Variants in POM121 observed in about 807,000 individuals in gnomAD.
The protein encoded by POM121 is POM121 transmembrane nucleoporin.
POM121 carries 32 observed loss-of-function variants against 81.3 expected under a neutral mutation model. The ratio of observed to expected loss-of-function variants is 0.39; its 90% CI spans 0.30 to 0.53. The LOEUF is 0.53. Among genes scored for constraint, POM121 ranks in the 20% least tolerant of loss-of-function variants. The pLI is 0.66. For missense variants in POM121, 1,138 were observed against 1,614.6 expected, an observed-to-expected ratio of 0.70 and a Z score of 5.06; for synonymous variants, 514 against 694.2, an observed-to-expected ratio of 0.74 and a Z score of 4.08.
At chr7:72,899,992 C>T (rs1463669790) in intron 3 of POM121, among the ~76,000 whole-genome samples, 1 of 152,172 alleles carries the variant, frequency 6.6e-6, no homozygotes, top group African/African-American at 2.4e-5. Flanking sequence ...CCTGGCCAAG[C>T]AAGAGAACCA....
rs782314614 is a variant in POM121 at position 72,948,085 on chromosome 7, C to T, written c.*1851C>T. On this transcript the variant is annotated 3_prime_UTR_variant, in exon 13 of 13. Transcript: ENST00000434423. The stretch of plus-strand genomic sequence containing the variant: ...TAGTGTCAGTACCTGAGCTAGTTTA[C>T]CTCAGTTCCGCAGGCAGGACAGCCG... The T allele has an allele frequency of 5.2e-4, 696 of 1,342,958 alleles. 2 individuals carry two copies. The highest frequency in any genetic ancestry group is 3.4e-3 in the Middle Eastern group (12 of 3,516). The allele number at this position is 1,342,958 out of a possible 1,614,324, so 83.2% of individuals were successfully genotyped here. A position where few individuals can be genotyped will look rare whatever the true frequency, so the allele number is the denominator to read the frequency against.
chr7:72,925,355 C>G lies in POM121; in HGVS notation c.234C>G (p.Pro78=). 2.0e-6 allele frequency: 3 copies of G among 1,523,148 alleles called. No homozygotes were observed. In the South Asian group the frequency reaches 3.6e-5, roughly 18 times the overall value. 94.4% of individuals were successfully genotyped at this position (1,523,148 alleles called of 1,614,324 possible). A position where few individuals can be genotyped will look rare whatever the true frequency, so the allele number is the denominator to read the frequency against. ...GLSREPRGSR[P]LSSFVRKARH... ...GCCGCGAGCCCCGAGGTTCGCGCCC[C>G]TTGTCCTCCTTCGTTCGGAAGGCGC... The change falls in exon 1 of 13, where the codon CCC becomes CCG. Residue 78 remains proline, a synonymous_variant. Transcript: ENST00000434423.
Position 72,925,256 on chromosome 7 carries a change from A to C in POM121, c.135A>C (p.Leu45Phe), listed in dbSNP as rs1334397780. 16 of 1,534,240 alleles carry C rather than the reference A, an allele frequency of 1.0e-5. No homozygotes were observed. Among genetic ancestry groups the C allele is most frequent in the East Asian group, 7.3e-5 (3 of 40,846 alleles). Residue 45 changes from leucine (L) to phenylalanine (F), a missense_variant, in exon 1 of 13, where the codon TTA becomes TTC. Leu to Phe is a conservative substitution (Grantham distance 22, BLOSUM62 0). Coordinates refer to ENST00000434423, the MANE Select transcript of POM121 (RefSeq NM_001387691.1). The stretch of plus-strand genomic sequence containing the variant: ...TGGGCCTGTCGCTGGTTGGCCTCTT[A>C]CTGTACCTCGTGCCGGCTGCGGCTG... ...VLLGLSLVGL[L>F]LYLVPAAAAL...
At chr7:72,931,589 T>C (rs1796025365) in intron 5 of POM121, among the ~76,000 whole-genome samples, 1 of 151,548 alleles carries the variant, frequency 6.6e-6, no homozygotes, top group East Asian at 1.9e-4. Flanking sequence ...TTTTTTTTTT[T>C]GCCGGAGTCT....
rs868929026 is a variant in POM121 at position 72,943,901 on chromosome 7, G to A, written c.3529+379G>A. Among the ~76,000 whole-genome samples the A allele has an allele frequency of 6.4e-3, 976 of 151,892 alleles. 8 individuals are homozygous for A. The highest frequency in any genetic ancestry group is 0.02 in the African/African-American group (834 of 41,232). On this transcript the variant is annotated intron_variant, in intron 11 of 12. Transcript: ENST00000434423. ...AAAAATACCAAAAAATTAGCCGGGC[G>A]TGGTGGTACCCACCTGTAATCCCAG...
intron 4 of POM121, among the ~76,000 whole-genome samples, chr7:72,914,304 A>G (rs879979147): frequency 1.3e-5 from 2 of 152,288 alleles, no homozygotes; most frequent in South Asian, 4.1e-4. Flanking sequence ...ATCACACTTA[A>G]GACTCCATGT....
At chr7:72,897,484 A>G (rs1274184419) in intron 3 of POM121, among the ~76,000 whole-genome samples, 1 of 152,254 alleles carries the variant, frequency 6.6e-6, no homozygotes, top group Non-Finnish European at 1.5e-5. Flanking sequence ...GGTGAGGATC[A>G]TAAGGATTGT....
downstream of POM121, chr7:72,949,180 T>G: frequency 5.6e-6 from 7 of 1,253,410 alleles, no homozygotes; most frequent in Middle Eastern, 1.9e-4. Flanking sequence ...AAATCCTCGC[T>G]TCACAGAGGA....
At chr7:72,948,788 G>C (rs151304264), downstream of POM121, 4 of 1,575,278 alleles carry the variant, frequency 2.5e-6, no homozygotes, top group Non-Finnish European at 3.5e-6. Flanking sequence ...GTGGGGCCGG[G>C]CAGGCAGGGC....
intron 3 of POM121, among the ~76,000 whole-genome samples, chr7:72,893,054 G>A (rs1791466043): frequency 6.6e-6 from 1 of 151,914 alleles, no homozygotes; most frequent in African/African-American, 2.4e-5. Context: ...TGCCTCCCAG[G>A]TTCAAGTGAT....
At chr7:72,908,779 T>C (rs1793527168) in intron 3 of POM121, among the ~76,000 whole-genome samples, 1 of 152,230 alleles carries the variant, frequency 6.6e-6, no homozygotes, top group Non-Finnish European at 1.5e-5. Context: ...AAGAGAAATA[T>C]GGCTCTGTTC....
chr7:72,884,629 A>C (rs1478417796), intron 1 of POM121, among the ~76,000 whole-genome samples: 21 of 149,992 alleles, frequency 1.4e-4, no homozygotes, highest in Non-Finnish European at 1.5e-4. Flanking sequence ...AAATCATTTC[A>C]GATTTTCAGA....
Position 72,948,294 on chromosome 7 carries a change from A to G in POM121, c.*2060A>G, listed in dbSNP as rs1319435767. 6 of 1,567,414 alleles carry G rather than the reference A, an allele frequency of 3.8e-6. No homozygotes were observed. The highest frequency in any genetic ancestry group is 2.8e-5 in the African/African-American group (2 of 72,254). ...CATTAAGAATAAAAAACTGTGATCT[A>G]TCGTAGAGTACGTTCTGCATTTTAT... On this transcript the variant is annotated 3_prime_UTR_variant, in exon 13 of 13. Transcript: ENST00000434423.
intron 1 of POM121, among the ~76,000 whole-genome samples, chr7:72,880,169 A>G (rs1166522456): frequency 1.3e-5 from 2 of 152,180 alleles, no homozygotes; most frequent in Non-Finnish European, 2.9e-5. Context: ...TCTGTGCTCC[A>G]GATTTCGACC....
chr7:72,949,594 C>A (rs1241456897), downstream of POM121: 15 of 683,062 alleles, frequency 2.2e-5, no homozygotes, highest in Non-Finnish European at 7.8e-6. Context: ...TAAGCCAGGA[C>A]ACACAATATT....
upstream of POM121, among the ~76,000 whole-genome samples, chr7:72,923,985 G>A (rs1795097440): frequency 6.8e-6 from 1 of 146,768 alleles, no homozygotes; most frequent in African/African-American, 2.5e-5. Context: ...TCGGTCTGTC[G>A]CCCAGGTTGG....
intron 3 of POM121, among the ~76,000 whole-genome samples, chr7:72,902,774 C>T (rs1792825742): frequency 6.6e-6 from 1 of 152,206 alleles, no homozygotes; most frequent in African/African-American, 2.4e-5. Context: ...AGGTGATCTG[C>T]CTGCCTCAAC....
At chr7:72,929,832 C>T (rs1218578558) in intron 4 of POM121, 108 bp from the exon 5 acceptor site, 22 of 1,390,630 alleles carry the variant, frequency 1.6e-5, no homozygotes, top group Non-Finnish European at 2.1e-5. Flanking sequence ...AAATTAAAAG[C>T]ATTATTCTCT....
rs1326116160 is a variant in POM121, at chr7:72,925,197, C to A, written c.76C>A (p.Arg26=). The A allele has an allele frequency of 6.6e-7, 1 of 1,518,700 alleles. No individual in the cohort carries two copies. Among genetic ancestry groups the A allele is most frequent in the Non-Finnish European group, 8.8e-7 (1 of 1,138,986 alleles). 94.1% of individuals were successfully genotyped at this position (1,518,700 alleles called of 1,614,324 possible). A position where few individuals can be genotyped will look rare whatever the true frequency, so the allele number is the denominator to read the frequency against. ...PIASVRDGRG[R]GCGGPARAVL... is the part of the protein sequence containing the mutation. ...AGCGAGTGTCAGGGACGGCCGGGGC[C>A]GGGGCTGCGGCGGGCCGGCCAGGGC... is the stretch of plus-strand genomic sequence containing the variant. Residue 26 remains arginine (R), a synonymous_variant, in exon 1 of 13, where the codon CGG becomes AGG. Coordinates refer to ENST00000434423, the MANE Select transcript of POM121 (RefSeq NM_001387691.1).
Sources: allele counts gnomAD v4.1 joint callset (sites outside exome capture counted in the v4.1 genomes callset), GRCh38; gene constraint gnomAD v4.1.1; transcripts MANE v1.5; gene names NCBI Gene and HGNC (gene_info 2026-07-23, HGNC 2026-07-21).